Variants in PPP1R36 observed in about 807,000 individuals in gnomAD.
PPP1R36 encodes chromosome 14 open reading frame 50.
In PPP1R36, 47 loss-of-function variants were observed where a neutral mutation model predicts 53.4. The ratio of observed to expected loss-of-function variants is 0.88; its 90% CI spans 0.70 to 1.12. The LOEUF is 1.12. PPP1R36 is among the 50% of genes most tolerant of loss of function. The pLI, the probability that PPP1R36 is intolerant of heterozygous loss-of-function variation, is 0.00. For missense variants in PPP1R36, 456 were observed against 513.9 expected (o/e 0.89, Z 1.09); for synonymous variants, 153 against 170.5 (o/e 0.90, Z 0.80).
intron 7 of PPP1R36, 109 bp from the exon 8 acceptor site, chr14:64,574,346 C>A: frequency 8.7e-7 from 1 of 1,147,756 alleles, no homozygotes; most frequent in Non-Finnish European, 1.2e-6. Context: ...CAGAGCAAGA[C>A]TCTGTCTTAA....
rs185379334 is a variant in PPP1R36, at chr14:64,562,186, C to T, written c.183-2565C>T. ...GCACAATTTTCAATTATTGGCTGGG[C>T]GCGGTGGCCCACACCTGTAATCCTA... On this transcript the variant is annotated intron_variant, in intron 3 of 11. Coordinates refer to ENST00000298705, the MANE Select transcript of PPP1R36 (RefSeq NM_172365.3). Among the ~76,000 whole-genome samples the T allele has an allele frequency of 1.6e-3, 250 of 152,200 alleles. 1 individual carries two copies. Among genetic ancestry groups the T allele is most frequent in the African/African-American group, 5.5e-3 (230 of 41,516 alleles).
At position 64,574,482 on chromosome 14, in the gene PPP1R36, A is replaced by C. The variant is rs745347281; in HGVS notation, c.561A>C (p.Glu187Asp). ...GCCTTGTAGAGAAAAAAGAAATGGA[A>C]TTGGTTTTAAGTGAATTAGAAGCAG... The part of the protein sequence containing the change: ...MVGLVEKKEM[E>D]LVLSELEAAQ... Residue 187 changes from glutamate (E) to aspartate (D), a missense_variant, in exon 8 of 12, where the codon GAA becomes GAC. Physicochemically the swap from Glu to Asp is conservative, Grantham distance 45. Transcript: ENST00000298705. The C allele has an allele frequency of 1.1e-5, 17 of 1,613,522 alleles. No individual in the cohort carries two copies. The highest frequency in any genetic ancestry group is 1.4e-5 in the Non-Finnish European group (17 of 1,179,844).
chr14:64,579,887 G>T (rs1275634727), intron 8 of PPP1R36, among the ~76,000 whole-genome samples: 6 of 152,114 alleles, frequency 3.9e-5, no homozygotes, highest in African/African-American at 1.4e-4. Context: ...GGAGAATAGC[G>T]TGAACCTGGG....
At chr14:64,559,160 G>A (rs879607578) in intron 3 of PPP1R36, among the ~76,000 whole-genome samples, 25 of 152,150 alleles carry the variant, frequency 1.6e-4, no homozygotes, top group Admixed American at 2.6e-4. Context: ...AGAGAGAGCC[G>A]CGGCTTTTCC....
rs10667127 is a variant in PPP1R36 at position 64,577,718 on chromosome 14, C to CTTTTTTT, written c.668+3148_668+3154dup. 1.5e-3 allele frequency among the ~76,000 whole-genome samples: 142 copies of CTTTTTTT among 94,416 alleles called. 6 individuals carry two copies. Among genetic ancestry groups the CTTTTTTT allele is most frequent in the East Asian group, 2.0e-3 (6 of 3,044 alleles). 61.9% of individuals were successfully genotyped at this position (94,416 alleles called of 152,430 possible). ...TTTTTAAGCTTTGCTGCCATGATTA[C>CTTTTTTT]TTTTTTTTTTTTTTTTTTTTTTTTT... On this transcript the variant is annotated intron_variant, in intron 8 of 11. Coordinates refer to ENST00000298705, the MANE Select transcript of PPP1R36 (RefSeq NM_172365.3).
rs143239809 is a variant in PPP1R36 at position 64,587,664 on chromosome 14, G to T, written c.890+292G>T. Among the ~76,000 whole-genome samples, 57 of 151,686 alleles carry T rather than the reference G, an allele frequency of 3.8e-4. 1 individual carries two copies. In the East Asian group the frequency reaches 8.7e-3, roughly 23 times the overall value. On this transcript the variant is annotated intron_variant, in intron 10 of 11. Coordinates refer to ENST00000298705, the MANE Select transcript of PPP1R36 (RefSeq NM_172365.3). ...TTTAGTAGAGACGGAGTTTCACCAT[G>T]TTGGTCAAGCTGATCTCGAACTCCT...
intron 11 of PPP1R36, 79 bp from the exon 12 acceptor site, chr14:64,589,073 C>T (rs1209737925): frequency 1.9e-6 from 2 of 1,057,236 alleles, no homozygotes; most frequent in Admixed American, 4.2e-5. Context: ...TACATACACA[C>T]AACCACAATC....
intron 3 of PPP1R36, among the ~76,000 whole-genome samples, chr14:64,558,639 CTTTT>C (rs200431215): frequency 7.0e-6 from 1 of 143,300 alleles, no homozygotes; most frequent in African/African-American, 2.6e-5. Flanking sequence ...TTTGTTTTGT[CTTTT>C]TTTTTTTTTG....
intron 8 of PPP1R36, among the ~76,000 whole-genome samples, chr14:64,581,642 T>C (rs1596746157): frequency 8.5e-6 from 1 of 117,240 alleles, no homozygotes; most frequent in African/African-American, 3.2e-5. Context: ...GGGGGTGGGG[T>C]GGCAGATCCC....
At chr14:64,553,250 T>G (rs559318104) in intron 3 of PPP1R36, among the ~76,000 whole-genome samples, 46 of 152,198 alleles carry the variant, frequency 3.0e-4, no homozygotes, top group African/African-American at 1.1e-3. Context: ...CCACCGCATC[T>G]GGCTGACAGT....
intron 3 of PPP1R36, among the ~76,000 whole-genome samples, chr14:64,564,027 G>A (rs888481769): frequency 6.6e-6 from 1 of 152,170 alleles, no homozygotes; most frequent in Non-Finnish European, 1.5e-5. Context: ...CTAACACATA[G>A]CAGATCGTCG....
rs114080267 is a variant in PPP1R36, at chr14:64,550,330, G to A, written c.69+264G>A. The A allele has an allele frequency of 1.7e-3, 2,201 of 1,266,504 alleles. 35 individuals carry two copies. The African/African-American group carries it at 0.032, about 18-fold the overall frequency. The allele number at this position is 1,266,504 out of a possible 1,614,324, so 78.5% of individuals were successfully genotyped here. The stretch of plus-strand genomic sequence containing the variant: ...AATCCCACCTCACCACCTCTAATTG[G>A]TTGGTTGCAAAATAGGGAGACCTAC... On this transcript the variant is annotated intron_variant, in intron 1 of 11. Transcript: ENST00000298705.
At position 64,551,096 on chromosome 14, in the gene PPP1R36, C is replaced by T. The variant is rs1457803915; in HGVS notation, c.134+111C>T. ...TAAATACCCACTGAACCTTTGCCAT[C>T]TGGAAGGAAACAATCATTTCAGTGA... is the stretch of plus-strand genomic sequence containing the variant. On this transcript the variant is annotated intron_variant, in intron 2 of 11. Transcript: ENST00000298705. The T allele has an allele frequency of 4.4e-6, 3 of 679,996 alleles. No homozygotes were observed. The East Asian group carries it at 8.2e-5, about 19-fold the overall frequency. The allele number at this position is 679,996 out of a possible 1,614,324, so 42.1% of individuals were successfully genotyped here.
At chr14:64,560,103 CAAAAAAAAAAAAAAAAA>C (rs1171697200) in intron 3 of PPP1R36, among the ~76,000 whole-genome samples, 2 of 27,446 alleles carry the variant, frequency 7.3e-5, no homozygotes, top group East Asian at 1.5e-3. Flanking sequence ...GAATCTGTCA[CAAAAAAAAAAAAAAAAA>C]AAAAAAAAAA....
intron 5 of PPP1R36, 62 bp from the exon 6 acceptor site, chr14:64,565,564 C>A: frequency 6.8e-7 from 1 of 1,481,090 alleles, no homozygotes; most frequent in Non-Finnish European, 9.4e-7. Flanking sequence ...ATAAACGTAT[C>A]TTGTGTGACT....
At chr14:64,574,651 G>T (rs2080329415) in intron 8 of PPP1R36, 62 bp downstream of exon 8, 9 of 1,517,502 alleles carry the variant, frequency 5.9e-6, no homozygotes, top group South Asian at 1.3e-5. Flanking sequence ...TCCTTAAGAT[G>T]CTTCCGTTTG....
At chr14:64,550,586 CCTAT>C (rs1264006474) in intron 1 of PPP1R36, among the ~76,000 whole-genome samples, 1 of 152,182 alleles carries the variant, frequency 6.6e-6, no homozygotes, top group Admixed American at 6.5e-5. Flanking sequence ...CAATTTCCTT[CCTAT>C]CTTTCGCCCT....
intron 11 of PPP1R36, chr14:64,588,555 ATTTTTTTTTTT>A (rs34440209): frequency 2.7e-5 from 4 of 149,832 alleles, no homozygotes; most frequent in African/African-American, 6.5e-5. Context: ...TGAGTAACTG[ATTTTTTTTTTT>A]TTTTTTTTTT....
At chr14:64,558,782 C>T (rs554330468) in intron 3 of PPP1R36, among the ~76,000 whole-genome samples, 61 of 152,028 alleles carry the variant, frequency 4.0e-4, no homozygotes, top group East Asian at 1.9e-4. Flanking sequence ...ATTATAGGCA[C>T]GCGGCACCAC....
Sources: gnomAD v4.1 joint callset for allele counts (sites outside exome capture counted in the v4.1 genomes callset) on GRCh38, gnomAD v4.1.1 for gene constraint, MANE v1.5 for transcripts, NCBI Gene and HGNC (gene_info 2026-07-23, HGNC 2026-07-21) for gene names.